Variants in MAP1LC3B observed in about 807,000 individuals in gnomAD.
MAP1LC3B encodes microtubule associated protein 1 light chain 3 beta.
A neutral mutation model predicts 16.7 loss-of-function variants in MAP1LC3B; 12 were observed. The ratio of observed to expected loss-of-function variants is 0.72; its 90% CI spans 0.46 to 1.16. The LOEUF (loss-of-function observed/expected upper bound fraction) is 1.16, where lower values mean the gene tolerates loss of function less well. Among genes scored for constraint, MAP1LC3B ranks in the 50% most tolerant of loss-of-function variants. The probability of loss-of-function intolerance (pLI) is 0.00; values close to 1 mark genes in which losing one functional copy is unlikely to be tolerated. For missense variants in MAP1LC3B, 155 were observed against 159.5 expected (o/e 0.97, Z 0.15); for synonymous variants, 63 against 56.5 (o/e 1.11, Z -0.51).
chr16:87,398,924 C>T (rs768713146), intron 2 of MAP1LC3B, 54 bp downstream of exon 2: 14 of 1,466,450 alleles, frequency 9.5e-6, no homozygotes, highest in African/African-American at 4.2e-5. Flanking sequence ...AGGAGAGCAC[C>T]GCATAAGTGC....
At chr16:87,401,676 C>T (rs1035648740) in intron 2 of MAP1LC3B, among the ~76,000 whole-genome samples, 11 of 152,106 alleles carry the variant, frequency 7.2e-5, no homozygotes, top group Admixed American at 1.3e-4. Context: ...ATTACAGGCA[C>T]CTGCCACCAC....
chr16:87,398,845 G>A lies in MAP1LC3B; in HGVS notation c.71G>A (p.Arg24Gln), dbSNP rs758538522. 13 of 1,614,092 alleles carry A rather than the reference G, an allele frequency of 8.1e-6. No homozygotes were observed. Among genetic ancestry groups the A allele is most frequent in the Middle Eastern group, 1.7e-4 (1 of 6,060 alleles). The stretch of plus-strand genomic sequence containing the variant: ...AGAGTAGAAGATGTCCGACTTATTC[G>A]AGAGCAGCATCCAACCAAAATCCCG... Reference protein sequence around the residue: ...EQRVEDVRLIREQHPTKIPVI... With the variant: ...EQRVEDVRLIQEQHPTKIPVI... Residue 24 changes from arginine (R) to glutamine (Q), a missense_variant, in exon 2 of 4, where the codon CGA (arginine) becomes CAA (glutamine). By Grantham distance (43) the Arg-to-Gln change is conservative. Coordinates refer to ENST00000268607, the MANE Select transcript of MAP1LC3B (RefSeq NM_022818.5).
At chr16:87,393,902 A>G (rs1567498215) in intron 1 of MAP1LC3B, among the ~76,000 whole-genome samples, 1 of 152,184 alleles carries the variant, frequency 6.6e-6, no homozygotes, top group Non-Finnish European at 1.5e-5. Context: ...GTTAACTGGG[A>G]ACATTTATGT....
intron 1 of MAP1LC3B, among the ~76,000 whole-genome samples, chr16:87,395,852 C>CTTTTTT (rs72388667): frequency 1.9e-5 from 1 of 53,836 alleles, no homozygotes; most frequent in African/African-American, 7.9e-5. Context: ...TCCTTCTTTC[C>CTTTTTT]TTTTTTTTTT....
rs183163764 is a variant in MAP1LC3B at position 87,402,049 on chromosome 16, G to A, written c.97-126G>A. ...ATGGGGTTTCACCATGTTAGCCAGG[G>A]TGGTCTCAGTCTCCTGACCTCGTGA... On this transcript the variant is annotated intron_variant, in intron 2 of 3. Transcript: ENST00000268607. The A allele has an allele frequency of 1.0e-3, 776 of 740,214 alleles. 5 individuals are homozygous for A. The African/African-American group carries it at 0.012, about 11-fold the overall frequency. 45.9% of individuals were successfully genotyped at this position (740,214 alleles called of 1,614,324 possible).
chr16:87,397,386 A>AGGTG (rs1907844749), intron 1 of MAP1LC3B, among the ~76,000 whole-genome samples: 1 of 151,986 alleles, frequency 6.6e-6, no homozygotes, highest in Non-Finnish European at 1.5e-5. Flanking sequence ...TGGGAGGCTG[A>AGGTG]GGTGGGCGGA....
In MAP1LC3B at chr16:87,403,208, G is replaced by C. The variant is rs1163895701; in HGVS notation, c.*111G>C. 4 of 1,376,114 alleles carry C rather than the reference G, an allele frequency of 2.9e-6. No individual in the cohort carries two copies. The highest frequency in any genetic ancestry group is 4.0e-6 in the Non-Finnish European group (4 of 1,012,232). 85.2% of individuals were successfully genotyped at this position (1,376,114 alleles called of 1,614,324 possible). A position where few individuals can be genotyped will look rare whatever the true frequency, so the allele number is the denominator to read the frequency against. On this transcript the variant is annotated 3_prime_UTR_variant, in exon 4 of 4. Transcript: ENST00000268607. ...TCATCCAATCACAGATCATGAAACAGTAGTGTTCCCACCTAGGAGTGTTAG... is the reference window on the plus strand; with the variant it reads ...TCATCCAATCACAGATCATGAAACACTAGTGTTCCCACCTAGGAGTGTTAG...
intron 2 of MAP1LC3B, chr16:87,399,556 G>C (rs1487965961): frequency 2.2e-6 from 1 of 447,022 alleles, no homozygotes. Context: ...AGCATGTAAA[G>C]ATTTCCCATT....
At chr16:87,395,663 A>T (rs1288188416) in intron 1 of MAP1LC3B, among the ~76,000 whole-genome samples, 3 of 152,138 alleles carry the variant, frequency 2.0e-5, no homozygotes, top group African/African-American at 7.2e-5. Flanking sequence ...AGATGCTCCT[A>T]TGGGACTTGG....
intron 1 of MAP1LC3B, among the ~76,000 whole-genome samples, chr16:87,394,546 C>T (rs1597388375): frequency 6.6e-6 from 1 of 152,302 alleles, no homozygotes; most frequent in South Asian, 2.1e-4. Context: ...TTTTAAGGCT[C>T]ACTGAAAACA....
In MAP1LC3B at chr16:87,404,285, T is replaced by C. The variant is rs1908099129; in HGVS notation, c.*1188T>C. On this transcript the variant is annotated 3_prime_UTR_variant, in exon 4 of 4. Coordinates refer to ENST00000268607, the MANE Select transcript of MAP1LC3B (RefSeq NM_022818.5). ...TTGCATGGGGTTCACTATTTATAGT[T>C]TTCTTGGGAGTATCACAGGAAAATC... The C allele has an allele frequency of 6.6e-6, 1 of 152,206 alleles. No homozygotes were observed. Among genetic ancestry groups the C allele is most frequent in the South Asian group, 2.1e-4 (1 of 4,834 alleles). 9.4% of individuals were successfully genotyped at this position (152,206 alleles called of 1,614,324 possible). A position where few individuals can be genotyped will look rare whatever the true frequency, so the allele number is the denominator to read the frequency against.
chr16:87,392,911 G>C (rs1019339477), intron 1 of MAP1LC3B: 3 of 152,040 alleles, frequency 2.0e-5, no homozygotes, highest in African/African-American at 7.2e-5. Context: ...CGGCTCTGAA[G>C]CGGGGCTGCG....
chr16:87,402,819 G>T, intron 3 of MAP1LC3B, 104 bp from the exon 4 acceptor site: 1 of 1,355,150 alleles, frequency 7.4e-7, no homozygotes, highest in South Asian at 1.4e-5. Flanking sequence ...AGAGCATTTA[G>T]AACATTTTTA....
At chr16:87,401,411 G>C (rs1907989160) in intron 2 of MAP1LC3B, among the ~76,000 whole-genome samples, 2 of 152,218 alleles carry the variant, frequency 1.3e-5, no homozygotes, top group Non-Finnish European at 2.9e-5. Flanking sequence ...GTCTAAGCTA[G>C]CAAATGATCA....
intron 2 of MAP1LC3B, 72 bp from the exon 3 acceptor site, chr16:87,402,103 G>A: frequency 6.7e-7 from 1 of 1,488,852 alleles, no homozygotes; most frequent in Non-Finnish European, 9.3e-7. Flanking sequence ...CCAAAATGCT[G>A]GGGTTACAGG....
chr16:87,404,077 C>T lies in MAP1LC3B; in HGVS notation c.*980C>T, dbSNP rs1246758306. On this transcript the variant is annotated 3_prime_UTR_variant, in exon 4 of 4. Transcript: ENST00000268607. The stretch of plus-strand genomic sequence containing the variant: ...AACTCAGTATTACTGAAAAGGTACC[C>T]ACATTTTGAATAGTAGTTATCACTC... 6.6e-6 allele frequency: 1 copy of T among 152,016 alleles called. No homozygotes were observed. Among genetic ancestry groups the T allele is most frequent in the Non-Finnish European group, 1.5e-5 (1 of 68,010 alleles). 9.4% of individuals were successfully genotyped at this position (152,016 alleles called of 1,614,324 possible). A position where few individuals can be genotyped will look rare whatever the true frequency, so the allele number is the denominator to read the frequency against.
chr16:87,400,577 T>TC (rs1685093151), intron 2 of MAP1LC3B, among the ~76,000 whole-genome samples: 1 of 152,186 alleles, frequency 6.6e-6, no homozygotes, highest in African/African-American at 2.4e-5. Flanking sequence ...AACCAGCTAA[T>TC]AATGGACTCT....
chr16:87,395,188 C>T (rs1209416791), intron 1 of MAP1LC3B, among the ~76,000 whole-genome samples: 2 of 152,198 alleles, frequency 1.3e-5, no homozygotes, highest in Non-Finnish European at 2.9e-5. Context: ...ACACCTTAGG[C>T]TCCTACCGTT....
chr16:87,397,171 G>A (rs1011177205), intron 1 of MAP1LC3B, among the ~76,000 whole-genome samples: 37 of 152,176 alleles, frequency 2.4e-4, no homozygotes, highest in African/African-American at 8.9e-4. Context: ...ATATGCACTG[G>A]TAGAAATCCA....
Sources: gnomAD v4.1 joint callset for allele counts (sites outside exome capture counted in the v4.1 genomes callset) on GRCh38, gnomAD v4.1.1 for gene constraint, MANE v1.5 for transcripts, NCBI Gene and HGNC (gene_info 2026-07-23, HGNC 2026-07-21) for gene names.